NRAP: variants seen among roughly 807,000 people sequenced by gnomAD.
NRAP encodes nebulin-related-anchoring protein.
In NRAP, 189 loss-of-function variants were observed where a neutral mutation model predicts 225.9. The observed-to-expected ratio is 0.84, with a 90% CI of 0.74 to 0.94. The LOEUF (loss-of-function observed/expected upper bound fraction) is 0.94, where lower values mean the gene tolerates loss of function less well. NRAP is among the 40% of genes least tolerant of loss of function. The pLI is 0.00. For missense variants in NRAP, 2,176 were observed against 2,168.7 expected (o/e 1.00, Z -0.07); for synonymous variants, 769 against 790.7 (o/e 0.97, Z 0.46).
chr10:113,653,823 T>C (rs913438941), intron 5 of NRAP, among the ~76,000 whole-genome samples, 198 bp downstream of exon 5: 34 of 152,190 alleles, frequency 2.2e-4, no homozygotes, highest in African/African-American at 7.2e-4. Flanking sequence ...CTGCCCTACA[T>C]GGATTTGGCC....
intron 11 of NRAP, among the ~76,000 whole-genome samples, chr10:113,645,536 G>C (rs1226409270): frequency 6.6e-6 from 1 of 152,122 alleles, no homozygotes; most frequent in Non-Finnish European, 1.5e-5. Context: ...TCCTGTCTCA[G>C]CCTCCTTAGT....
At chr10:113,634,792 C>T (rs1891758) in intron 14 of NRAP, among the ~76,000 whole-genome samples, 27,226 of 152,082 alleles carry the variant, frequency 0.18, 2,952 homozygotes, top group African/African-American at 0.3. Context: ...ACGTCTTATA[C>T]TTCACCAAAA....
At chr10:113,613,166 C>T (rs1312623616) in intron 29 of NRAP, among the ~76,000 whole-genome samples, 4 of 152,180 alleles carry the variant, frequency 2.6e-5, no homozygotes, top group Admixed American at 2.0e-4. Flanking sequence ...ATCCCCACTT[C>T]CATTCATTCT....
chr10:113,631,210 T>A (rs1848556048), intron 18 of NRAP, among the ~76,000 whole-genome samples: 1 of 152,214 alleles, frequency 6.6e-6, no homozygotes, highest in Non-Finnish European at 1.5e-5. Flanking sequence ...GACCAGTGTC[T>A]TGCCCATAGT....
At position 113,629,658 on chromosome 10, in the gene NRAP, T is replaced by C. The variant is rs1455579422; in HGVS notation, c.1970A>G (p.His657Arg). Residue 657 changes from histidine (H) to arginine (R), a missense_variant, in exon 19 of 42, where the codon CAT becomes CGT. This residue lies in a region of NRAP where 1,708 missense variants were observed against 1,695.5 expected (regional missense o/e 1.01). Coordinates refer to ENST00000359988, the MANE Select transcript of NRAP (RefSeq NM_198060.4). ...ASDLDYRKKL[H>R]EYTVLPEDMK... ...ATCTTCAGGCAGCACAGTGTATTCATGCAGTTTCTTCCTGTAGTCCAGGTC... is the reference window on the plus strand; with the variant it reads ...ATCTTCAGGCAGCACAGTGTATTCACGCAGTTTCTTCCTGTAGTCCAGGTC... 1.9e-6 allele frequency: 3 copies of C among 1,614,132 alleles called. No individual in the cohort carries two copies. The highest frequency in any genetic ancestry group is 2.5e-6 in the Non-Finnish European group (3 of 1,179,936).
At position 113,631,227 on chromosome 10, in the gene NRAP, T is replaced by C. The variant is rs1292338785; in HGVS notation, c.1842+282A>G. 2.6e-5 allele frequency among the ~76,000 whole-genome samples: 4 copies of C among 152,188 alleles called. No homozygotes were observed. The East Asian group carries it at 7.7e-4, about 29-fold the overall frequency. On this transcript the variant is annotated intron_variant, in intron 18 of 41. Transcript: ENST00000359988. ...CCAGTGTCTTGCCCATAGTAGTCAC[T>C]TGGCAAACATTTGTGACATGAATAA...
chr10:113,650,933 A>G (rs1445517434), intron 7 of NRAP, among the ~76,000 whole-genome samples: 1 of 152,212 alleles, frequency 6.6e-6, no homozygotes, highest in Non-Finnish European at 1.5e-5. Flanking sequence ...CAGAAGCTGG[A>G]TTTGTGCTTC....
At position 113,614,884 on chromosome 10, in the gene NRAP, G is replaced by A. The variant is rs1847551683; in HGVS notation, c.3141C>T (p.Ala1047=). 6.2e-7 allele frequency: 1 copy of A among 1,613,028 alleles called. No individual in the cohort carries two copies. The highest frequency in any genetic ancestry group is 1.1e-5 in the South Asian group (1 of 91,058). Residue 1047 remains alanine, a synonymous_variant, in exon 28 of 42, where the codon GCC becomes GCT. Transcript: ENST00000359988. ...RDGGYKLRLD[A]LPFQAAKASG... is the part of the protein sequence containing the mutation. Reference sequence around the variant, plus strand: ...AAGCCTTTGCTGCTTGGAATGGAAGGGCATCCAACCTCAGTTTATAGCCAC... The same window carrying A: ...AAGCCTTTGCTGCTTGGAATGGAAGAGCATCCAACCTCAGTTTATAGCCAC...
intron 31 of NRAP, among the ~76,000 whole-genome samples, chr10:113,608,931 G>A (rs753931062): frequency 2.6e-5 from 4 of 152,182 alleles, no homozygotes; most frequent in Non-Finnish European, 5.9e-5. Flanking sequence ...GGCCAAGGCG[G>A]TGGGATCCCC....
chr10:113,589,602 A>C, intron 41 of NRAP, 64 bp downstream of exon 41: 4 of 1,557,880 alleles, frequency 2.6e-6, no homozygotes, highest in Non-Finnish European at 3.5e-6. Flanking sequence ...TTGAAAAGAA[A>C]CAATGAGTTT....
chr10:113,594,039 T>C (rs1846143078), intron 38 of NRAP, among the ~76,000 whole-genome samples: 1 of 152,234 alleles, frequency 6.6e-6, no homozygotes, highest in Non-Finnish European at 1.5e-5. Flanking sequence ...TTTTTTATTC[T>C]GTTGAGGTTT....
At chr10:113,645,355 C>G (rs1469753790) in intron 11 of NRAP, among the ~76,000 whole-genome samples, 1 of 152,048 alleles carries the variant, frequency 6.6e-6, no homozygotes, top group South Asian at 2.1e-4. Flanking sequence ...TGCATTTTAC[C>G]GCATATCTGT....
intron 12 of NRAP, 123 bp from the exon 13 acceptor site, chr10:113,641,595 C>A: frequency 1.6e-6 from 1 of 609,934 alleles, no homozygotes; most frequent in Admixed American, 3.1e-5. Context: ...TTTAAATAGT[C>A]AACGTATCAC....
intron 35 of NRAP, among the ~76,000 whole-genome samples, chr10:113,603,631 G>A (rs765473904): frequency 1.3e-5 from 2 of 152,074 alleles, no homozygotes; most frequent in Non-Finnish European, 2.9e-5. Flanking sequence ...TCCTTACTCC[G>A]CAGAGCCTAG....
intron 8 of NRAP, 128 bp from the exon 9 acceptor site, chr10:113,650,269 C>T: frequency 2.6e-6 from 2 of 771,646 alleles, no homozygotes; most frequent in South Asian, 3.1e-5. Flanking sequence ...ATGTCTCAGA[C>T]ATAAAAGTGC....
chr10:113,636,897 C>T (rs1848900642), intron 14 of NRAP, among the ~76,000 whole-genome samples: 2 of 151,122 alleles, frequency 1.3e-5, no homozygotes, highest in Non-Finnish European at 2.9e-5. Context: ...ACCCGAGATA[C>T]TCGGGAGGCT....
intron 15 of NRAP, among the ~76,000 whole-genome samples, chr10:113,633,788 T>C (rs1848704611): frequency 6.6e-6 from 1 of 152,216 alleles, no homozygotes; most frequent in Non-Finnish European, 1.5e-5. Flanking sequence ...GATTACATTA[T>C]ACAATACTTG....
At chr10:113,611,226 G>T (rs112867792) in intron 30 of NRAP, among the ~76,000 whole-genome samples, 3 of 152,152 alleles carry the variant, frequency 2.0e-5, no homozygotes, top group South Asian at 2.1e-4. Flanking sequence ...GAGCGTGGCA[G>T]CTCCCTCGTT....
chr10:113,637,670 T>C (rs978279720), intron 14 of NRAP, among the ~76,000 whole-genome samples: 38 of 152,216 alleles, frequency 2.5e-4, no homozygotes, highest in African/African-American at 8.4e-4. Context: ...ACGCCTGTAA[T>C]CCCAGCACTT....
Sources: gnomAD v4.1 joint callset for allele counts (sites outside exome capture counted in the v4.1 genomes callset) on GRCh38, gnomAD v4.1.1 for gene constraint, gnomAD v4.1.1 regional missense constraint, MANE v1.5 for transcripts, NCBI Gene and HGNC (gene_info 2026-07-23, HGNC 2026-07-21) for gene names.